Variants in EAPP observed in about 807,000 individuals in gnomAD.
The protein encoded by EAPP is E2F-associated phosphoprotein.
In EAPP, 38 loss-of-function variants were observed where a neutral mutation model predicts 34.3. That is an observed-to-expected ratio of 1.11 (90% CI 0.85 to 1.45). The LOEUF (loss-of-function observed/expected upper bound fraction) is 1.45, where lower values mean the gene tolerates loss of function less well. EAPP is among the 40% of genes most tolerant of loss of function. The pLI, the probability that EAPP is intolerant of heterozygous loss-of-function variation, is 0.00. For synonymous variants in EAPP, 113 were observed against 117.6 expected, an observed-to-expected ratio of 0.96 and a Z score of 0.25; for missense variants, 338 against 343.7, an observed-to-expected ratio of 0.98 and a Z score of 0.13.
chr14:34,531,162 G>A (rs561980891), intron 3 of EAPP, among the ~76,000 whole-genome samples: 14 of 152,106 alleles, frequency 9.2e-5, no homozygotes, highest in South Asian at 6.2e-4. Flanking sequence ...AAAAGTAACC[G>A]GGTATGGTAG....
At chr14:34,534,464 G>A (rs1268906369) in intron 2 of EAPP, among the ~76,000 whole-genome samples, 1 of 152,060 alleles carries the variant, frequency 6.6e-6, no homozygotes, top group Non-Finnish European at 1.5e-5. Flanking sequence ...CAGTTTTCAG[G>A]TCAGGTACAT....
intron 1 of EAPP, 23 bp downstream of exon 1, chr14:34,539,532 G>T (rs1594674758): frequency 4.4e-6 from 7 of 1,603,104 alleles, no homozygotes; most frequent in African/African-American, 2.7e-5. Context: ...ATCCTCGGGG[G>T]CCAGGGTGGG....
At chr14:34,539,228 G>A (rs566542010) in intron 1 of EAPP, 19 of 519,454 alleles carry the variant, frequency 3.7e-5, no homozygotes, top group African/African-American at 3.2e-4. Flanking sequence ...CAATTTTACA[G>A]GTGAGTAATC....
chr14:34,518,911 G>A (rs758498226), intron 5 of EAPP, among the ~76,000 whole-genome samples: 6 of 152,102 alleles, frequency 3.9e-5, no homozygotes, highest in Non-Finnish European at 8.8e-5. Flanking sequence ...CTTGTTTGTT[G>A]ATCCATTCAG....
chr14:34,524,733 G>C lies in EAPP; in HGVS notation c.545C>G (p.Pro182Arg). 1 of 1,610,570 alleles carries C rather than the reference G, an allele frequency of 6.2e-7. No individual in the cohort carries two copies. ...AAGGCAAAGTGTGGTCATGCAGGCA[G>C]GACAATTCAAGACAGCATCACTATT... is the stretch of plus-strand genomic sequence containing the variant. Reference protein sequence around the residue: ...VPNSDAVLNCPACMTTLCLDC... With the variant: ...VPNSDAVLNCRACMTTLCLDC... The change falls in exon 5 of 6, where the codon CCT becomes CGT. Residue 182 changes from proline to arginine, a missense_variant. Pro to Arg is a moderately radical substitution (Grantham distance 103). Coordinates refer to ENST00000250454, the MANE Select transcript of EAPP (RefSeq NM_018453.4).
chr14:34,518,325 ATTTTTTTTTTTTTTT>A (rs71404852), intron 5 of EAPP, among the ~76,000 whole-genome samples: 2 of 74,082 alleles, frequency 2.7e-5, no homozygotes, highest in Admixed American at 4.3e-4. Context: ...CTCCCTTTAG[ATTTTTTTTTTTTTTT>A]TTTTTTTTTT....
intron 5 of EAPP, among the ~76,000 whole-genome samples, chr14:34,522,430 T>G (rs1328600256): frequency 6.6e-6 from 1 of 152,106 alleles, no homozygotes; most frequent in African/African-American, 2.4e-5. Flanking sequence ...TTCACTTGAT[T>G]CCTTGTTTTG....
chr14:34,537,859 G>C (rs1241819164), intron 1 of EAPP, among the ~76,000 whole-genome samples: 1 of 152,142 alleles, frequency 6.6e-6, no homozygotes, highest in Non-Finnish European at 1.5e-5. Flanking sequence ...CAGCTACCGT[G>C]AAACAGTTAA....
At position 34,536,580 on chromosome 14, in the gene EAPP, T is replaced by G. The variant is rs148548633; in HGVS notation, c.75-305A>C. On this transcript the variant is annotated intron_variant, in intron 1 of 5. Transcript: ENST00000250454. ...CCCCAGTTCAAGCAATCCTCCCACC[T>G]CGGGTTCCCCAGTAGCTGGAACTAC... 1,168 of 187,128 alleles carry G rather than the reference T, an allele frequency of 6.2e-3. 38 individuals carry two copies. Among genetic ancestry groups the G allele is most frequent in the Admixed American group, 0.053 (829 of 15,606 alleles). The allele number at this position is 187,128 out of a possible 1,614,324, so 11.6% of individuals were successfully genotyped here.
At chr14:34,521,447 T>G (rs1484744383) in intron 5 of EAPP, among the ~76,000 whole-genome samples, 1 of 149,688 alleles carries the variant, frequency 6.7e-6, no homozygotes, top group African/African-American at 2.5e-5. Flanking sequence ...ATTCTTAGAT[T>G]TAATCTTTTG....
At chr14:34,538,617 A>G (rs1401268557) in intron 1 of EAPP, among the ~76,000 whole-genome samples, 4 of 150,604 alleles carry the variant, frequency 2.7e-5, no homozygotes. Flanking sequence ...AGGTCTCACT[A>G]TGTTGCCCAG....
intron 3 of EAPP, among the ~76,000 whole-genome samples, chr14:34,531,177 T>TG (rs1422451727): frequency 6.6e-6 from 1 of 152,044 alleles, no homozygotes; most frequent in Non-Finnish European, 1.5e-5. Context: ...TGGTAGCTTG[T>TG]GCCTGTAGTC....
chr14:34,532,621 C>A (rs1197122789), intron 3 of EAPP, among the ~76,000 whole-genome samples: 5 of 151,394 alleles, frequency 3.3e-5, no homozygotes, highest in Non-Finnish European at 7.4e-5. Flanking sequence ...TCCCTAGGTA[C>A]ATCCAAGCAG....
chr14:34,525,730 T>C (rs1349454304), intron 4 of EAPP, among the ~76,000 whole-genome samples: 1 of 151,978 alleles, frequency 6.6e-6, no homozygotes, highest in Non-Finnish European at 1.5e-5. Context: ...TTAATAATAA[T>C]GTATCAAGGC....
At chr14:34,517,156 T>C (rs1223286815) in intron 5 of EAPP, among the ~76,000 whole-genome samples, 1 of 151,894 alleles carries the variant, frequency 6.6e-6, no homozygotes, top group East Asian at 1.9e-4. Context: ...GCCAGGATGG[T>C]CTCGATCTTC....
At chr14:34,521,482 C>A (rs7151482) in intron 5 of EAPP, among the ~76,000 whole-genome samples, 1 of 151,942 alleles carries the variant, frequency 6.6e-6, no homozygotes, top group South Asian at 2.1e-4. Context: ...ATCTTGTAGA[C>A]CTTCATACCT....
chr14:34,521,285 G>T (rs1879908604), intron 5 of EAPP, among the ~76,000 whole-genome samples: 1 of 151,528 alleles, frequency 6.6e-6, no homozygotes, highest in Non-Finnish European at 1.5e-5. Flanking sequence ...TGGCCAGGCT[G>T]GTCTCGAACT....
At position 34,536,140 on chromosome 14, in the gene EAPP, A is replaced by G. The variant is rs202029009; in HGVS notation, c.210T>C (p.Asn70=). ...TGTCCTCCATTGTTTTCATGGTAGAATTTAATTCAGCTTCCATCTCCTTTT... is the reference window on the plus strand; with the variant it reads ...TGTCCTCCATTGTTTTCATGGTAGAGTTTAATTCAGCTTCCATCTCCTTTT... ...EFEKEMEAEL[N]STMKTMEDKL... is the part of the protein sequence containing the mutation. Residue 70 remains asparagine, a synonymous_variant, in exon 2 of 6, where the codon AAT becomes AAC. Transcript: ENST00000250454. 2.3e-5 allele frequency: 37 copies of G among 1,612,816 alleles called. No homozygotes were observed. The Admixed American group carries it at 5.4e-4, about 23-fold the overall frequency.
At chr14:34,531,078 G>A (rs1880273713) in intron 3 of EAPP, among the ~76,000 whole-genome samples, 1 of 152,038 alleles carries the variant, frequency 6.6e-6, no homozygotes, top group African/African-American at 2.4e-5. Context: ...GCCAAAGTGG[G>A]CAGACAACCT....
Sources: gnomAD v4.1 joint callset for allele counts (sites outside exome capture counted in the v4.1 genomes callset) on GRCh38, gnomAD v4.1.1 for gene constraint, MANE v1.5 for transcripts, NCBI Gene and HGNC (gene_info 2026-07-23, HGNC 2026-07-21) for gene names.